The following SLC24A2 variants were observed in gnomAD, a reference collection of about 807,000 sequenced individuals.
SLC24A2 encodes the protein sodium/potassium/calcium exchanger 2.
In SLC24A2, 36 loss-of-function variants were observed where a neutral mutation model predicts 62.0. The observed-to-expected ratio is 0.58, with a 90% confidence interval of 0.44 to 0.77. The LOEUF (loss-of-function observed/expected upper bound fraction) is 0.77. Ranked by LOEUF, SLC24A2 falls within the 30% of genes least tolerant of loss-of-function variation. The pLI, the probability that SLC24A2 is intolerant of heterozygous loss-of-function variation, is 0.00. For missense variants in SLC24A2, 846 were observed against 817.9 expected (o/e 1.03, Z -0.42); for synonymous variants, 358 against 294.0 (o/e 1.22, Z -2.23).
Position 19,665,053 on chromosome 9 carries a change from T to C in SLC24A2, c.931-42754A>G, listed in dbSNP as rs371640342. Among the ~76,000 whole-genome samples the C allele has an allele frequency of 1.4e-4, 21 of 152,168 alleles. 1 individual carries two copies. The highest frequency in any genetic ancestry group is 1.2e-3 in the Admixed American group (19 of 15,272). On this transcript the variant is annotated intron_variant, in intron 2 of 10. Coordinates refer to ENST00000341998, the MANE Select transcript of SLC24A2 (RefSeq NM_020344.4). ...GGATACCTCCTCTTCCTCATAGAATTTCAAGGCTGCCTGCTGTGTGGCTGT... is the reference window on the plus strand; with the variant it reads ...GGATACCTCCTCTTCCTCATAGAATCTCAAGGCTGCCTGCTGTGTGGCTGT...
At chr9:19,771,164 A>T (rs1400377079) in intron 2 of SLC24A2, among the ~76,000 whole-genome samples, 1 of 152,188 alleles carries the variant, frequency 6.6e-6, no homozygotes, top group Non-Finnish European at 1.5e-5. Flanking sequence ...AATAACACTT[A>T]CTTGGGGCTT....
the SLC24A2 span, among the ~76,000 whole-genome samples, chr9:19,958,852 G>A: frequency 2.0e-5 from 3 of 152,152 alleles, no homozygotes; most frequent in African/African-American, 7.2e-5. Flanking sequence ...ATAAACGCAA[G>A]GTAAAATATC....
the SLC24A2 span, among the ~76,000 whole-genome samples, chr9:19,855,252 T>C: frequency 3.4e-3 from 512 of 152,240 alleles, 1 homozygote; most frequent in African/African-American, 0.012. Flanking sequence ...CAGCTTGCCA[T>C]TCTTTATCTT....
At chr9:19,530,940 A>C (rs1017939910) in intron 8 of SLC24A2, among the ~76,000 whole-genome samples, 1 of 151,942 alleles carries the variant, frequency 6.6e-6, no homozygotes, top group Non-Finnish European at 1.5e-5. Flanking sequence ...GATTATACTG[A>C]CTCTTTCCTA....
intron 2 of SLC24A2, among the ~76,000 whole-genome samples, chr9:19,662,661 C>T (rs939939066): frequency 5.3e-5 from 8 of 152,124 alleles, no homozygotes; most frequent in Non-Finnish European, 1.2e-4. Context: ...CATTGCAGGC[C>T]TCCTCATCTT....
At chr9:19,808,689 A>C in the SLC24A2 span, among the ~76,000 whole-genome samples, 2 of 152,308 alleles carry the variant, frequency 1.3e-5, no homozygotes, top group East Asian at 3.9e-4. The surrounding 1 kb of genome is among the most constrained non-coding windows in gnomAD (Gnocchi z 4.1). Context: ...CTTTCAGGAT[A>C]TCGCCTAAGT....
At chr9:20,061,814 TA>T in the SLC24A2 span, among the ~76,000 whole-genome samples, 10 of 148,766 alleles carry the variant, frequency 6.7e-5, no homozygotes, top group East Asian at 3.9e-4. Context: ...CACAAGCCAT[TA>T]AAAAAAAAAT....
At chr9:19,559,796 C>T (rs531666609) in intron 7 of SLC24A2, among the ~76,000 whole-genome samples, 1 of 152,326 alleles carries the variant, frequency 6.6e-6, no homozygotes, top group East Asian at 1.9e-4. Context: ...TTATTCTCAC[C>T]TCCATTGTTT....
chr9:20,101,745 G>GT, the SLC24A2 span, among the ~76,000 whole-genome samples: 20 of 151,622 alleles, frequency 1.3e-4, no homozygotes, highest in East Asian at 1.5e-3. Flanking sequence ...TGAAAAAAAT[G>GT]TTTTTTTTAA....
chr9:19,648,898 A>G (rs953128113), intron 2 of SLC24A2, among the ~76,000 whole-genome samples: 1 of 151,826 alleles, frequency 6.6e-6, no homozygotes, highest in African/African-American at 2.4e-5. Flanking sequence ...GAAATGACTC[A>G]AAGTTATTTA....
chr9:20,079,577 T>C, the SLC24A2 span, among the ~76,000 whole-genome samples: 1 of 152,250 alleles, frequency 6.6e-6, no homozygotes, highest in Non-Finnish European at 1.5e-5. Flanking sequence ...AGTTTGTTTC[T>C]GTTATTTTGC....
chr9:20,059,420 A>T, the SLC24A2 span, among the ~76,000 whole-genome samples: 1 of 152,200 alleles, frequency 6.6e-6, no homozygotes, highest in Non-Finnish European at 1.5e-5. Context: ...AGTCTCCATA[A>T]ATTTTAAAAG....
chr9:20,174,606 A>T, the SLC24A2 span, among the ~76,000 whole-genome samples: 1 of 152,172 alleles, frequency 6.6e-6, no homozygotes, highest in African/African-American at 2.4e-5. Flanking sequence ...AAAAATGCTC[A>T]ACATCACTAA....
the SLC24A2 span, among the ~76,000 whole-genome samples, chr9:19,860,417 G>A: frequency 1.3e-5 from 2 of 152,196 alleles, no homozygotes; most frequent in South Asian, 2.1e-4. Flanking sequence ...AAGAGCTCTT[G>A]GCCTCTGACT....
the SLC24A2 span, among the ~76,000 whole-genome samples, chr9:20,279,088 T>C: frequency 6.6e-6 from 1 of 152,064 alleles, no homozygotes; most frequent in Non-Finnish European, 1.5e-5. Flanking sequence ...ACTTATTCAC[T>C]ATCATGAGAA....
chr9:20,169,734 C>G, the SLC24A2 span, among the ~76,000 whole-genome samples: 1 of 151,896 alleles, frequency 6.6e-6, no homozygotes, highest in South Asian at 2.1e-4. Context: ...TGAGAAGAAA[C>G]CAGAAAACCG....
the SLC24A2 span, among the ~76,000 whole-genome samples, chr9:19,911,087 T>A: frequency 9.9e-5 from 11 of 110,682 alleles, no homozygotes; most frequent in Admixed American, 7.7e-4. Context: ...CCCACAACAG[T>A]CCCCAGAGTG....
At chr9:19,611,883 C>T (rs555186550) in intron 4 of SLC24A2, among the ~76,000 whole-genome samples, 30 of 152,186 alleles carry the variant, frequency 2.0e-4, no homozygotes, top group South Asian at 8.3e-4. Flanking sequence ...TTCCCCAAAT[C>T]GATCTCATCT....
At chr9:19,667,981 T>C (rs796996880) in intron 2 of SLC24A2, among the ~76,000 whole-genome samples, 41 of 152,296 alleles carry the variant, frequency 2.7e-4, no homozygotes, top group African/African-American at 9.6e-4. Flanking sequence ...TGACCTTCTT[T>C]CTATTCCTGT....
Sources: allele counts gnomAD v4.1 joint callset (sites outside exome capture counted in the v4.1 genomes callset), GRCh38; gene constraint gnomAD v4.1.1; non-coding constraint Gnocchi (gnomAD v3.1); transcripts MANE v1.5; gene names NCBI Gene and HGNC (gene_info 2026-07-23, HGNC 2026-07-21).